The following MMP26 variants were observed in gnomAD, a reference collection of about 807,000 sequenced individuals.
MMP26 encodes the protein matrix metallopeptidase 26.
MMP26 carries 33 observed loss-of-function variants against 31.0 expected under a neutral mutation model. The ratio of observed to expected loss-of-function variants is 1.06; its 90% CI spans 0.81 to 1.42. The LOEUF (loss-of-function observed/expected upper bound fraction) is 1.42. MMP26 is among the 40% of genes most tolerant of loss of function. The pLI is 0.00. For synonymous variants in MMP26, 122 were observed against 114.9 expected, an observed-to-expected ratio of 1.06 and a Z score of -0.40; for missense variants, 347 against 316.1, an observed-to-expected ratio of 1.10 and a Z score of -0.74.
At chr11:4,980,637 T>G (rs1396057306) in intron 2 of MMP26, among the ~76,000 whole-genome samples, 3 of 152,166 alleles carry the variant, frequency 2.0e-5, no homozygotes, top group Admixed American at 6.6e-5. Flanking sequence ...AATTCTGTGC[T>G]ATTTATATTC....
At chr11:4,783,301 T>A (rs1848890581) in intron 2 of MMP26, among the ~76,000 whole-genome samples, 1 of 152,128 alleles carries the variant, frequency 6.6e-6, no homozygotes, top group Non-Finnish European at 1.5e-5. Context: ...AGACATAGAG[T>A]CAAAGGAGAT....
chr11:4,763,814 A>T (rs1158495585), intron 1 of MMP26, among the ~76,000 whole-genome samples: 4 of 152,144 alleles, frequency 2.6e-5, no homozygotes, highest in Non-Finnish European at 4.4e-5. Flanking sequence ...AATTCTCCTA[A>T]ATTGTCACAG....
chr11:4,810,679 G>T (rs1019495189), intron 2 of MMP26, among the ~76,000 whole-genome samples: 1 of 152,188 alleles, frequency 6.6e-6, no homozygotes, highest in South Asian at 2.1e-4. Flanking sequence ...CTGAGTGCGT[G>T]ATTATCCAGA....
chr11:4,855,641 A>C (rs966205763), intron 2 of MMP26, among the ~76,000 whole-genome samples: 1 of 152,208 alleles, frequency 6.6e-6, no homozygotes, highest in Non-Finnish European at 1.5e-5. Context: ...AAGTTAGAAA[A>C]CACTCTTCAG....
intron 1 of MMP26, among the ~76,000 whole-genome samples, chr11:4,759,634 C>G (rs1170938553): frequency 6.6e-6 from 1 of 152,088 alleles, no homozygotes; most frequent in African/African-American, 2.4e-5. Context: ...TAGAAACTGG[C>G]CTTATTCCTC....
intron 2 of MMP26, among the ~76,000 whole-genome samples, chr11:4,940,210 G>T (rs1028050571): frequency 6.6e-6 from 1 of 152,040 alleles, no homozygotes; most frequent in African/African-American, 2.4e-5. Flanking sequence ...GAGGTGCAGT[G>T]ACTTAAGGTA....
intron 2 of MMP26, among the ~76,000 whole-genome samples, chr11:4,939,301 T>G (rs1291550844): frequency 2.0e-5 from 3 of 152,162 alleles, no homozygotes; most frequent in Non-Finnish European, 4.4e-5. Flanking sequence ...ATGGTAATAA[T>G]TTCCCCCATT....
intron 2 of MMP26, among the ~76,000 whole-genome samples, chr11:4,929,956 A>G (rs1175187910): frequency 6.6e-6 from 1 of 152,124 alleles, no homozygotes; most frequent in Non-Finnish European, 1.5e-5. Context: ...TATGATAAAA[A>G]CAATCAATGT....
chr11:4,759,829 C>A (rs946438459), intron 1 of MMP26, among the ~76,000 whole-genome samples: 1 of 152,210 alleles, frequency 6.6e-6, no homozygotes, highest in South Asian at 2.1e-4. Context: ...CTAGAATGCA[C>A]AAAAGAGGAT....
intron 1 of MMP26, among the ~76,000 whole-genome samples, chr11:4,717,159 T>C (rs1288888214): frequency 6.6e-6 from 1 of 152,228 alleles, no homozygotes; most frequent in African/African-American, 2.4e-5. Context: ...AACTTTCTAA[T>C]ATAGATACCT....
chr11:4,922,318 G>T (rs925475200), intron 2 of MMP26, among the ~76,000 whole-genome samples: 4 of 152,134 alleles, frequency 2.6e-5, no homozygotes, highest in Non-Finnish European at 5.9e-5. Context: ...AGAAAGAGAA[G>T]AAATTGCTGT....
At chr11:4,725,553 A>G (rs188448036) in intron 1 of MMP26, among the ~76,000 whole-genome samples, 26 of 152,348 alleles carry the variant, frequency 1.7e-4, no homozygotes, top group African/African-American at 5.5e-4. Flanking sequence ...AAATTGTGAT[A>G]TAGAGGTAGT....
intron 2 of MMP26, among the ~76,000 whole-genome samples, chr11:4,910,348 G>A (rs1850972024): frequency 6.6e-6 from 1 of 151,968 alleles, no homozygotes; most frequent in African/African-American, 2.4e-5. Context: ...GATAATCTTG[G>A]ATATTCTGCC....
intron 2 of MMP26, among the ~76,000 whole-genome samples, chr11:4,930,180 C>G (rs994982222): frequency 6.6e-6 from 1 of 152,010 alleles, no homozygotes; most frequent in Non-Finnish European, 1.5e-5. Flanking sequence ...TGTTGTTGAT[C>G]ATCTTCAATC....
intron 2 of MMP26, chr11:4,882,709 C>T (rs747668230): frequency 6.2e-7 from 1 of 1,613,960 alleles, no homozygotes; most frequent in Non-Finnish European, 8.5e-7. Context: ...TCCACTCCAC[C>T]CCAAGGGTGC....
At chr11:4,754,630 T>C (rs1469382540) in intron 1 of MMP26, among the ~76,000 whole-genome samples, 2 of 152,018 alleles carry the variant, frequency 1.3e-5, no homozygotes, top group African/African-American at 2.4e-5. Context: ...GTGCCCATTT[T>C]TACACAAGTT....
At chr11:4,737,597 C>T (rs533444326) in intron 1 of MMP26, among the ~76,000 whole-genome samples, 1 of 152,292 alleles carries the variant, frequency 6.6e-6, no homozygotes, top group South Asian at 2.1e-4. Flanking sequence ...GAGCCGAGAT[C>T]ACGCCTTTGC....
chr11:4,984,479 T>G (rs1351044397), intron 2 of MMP26, among the ~76,000 whole-genome samples: 1 of 152,234 alleles, frequency 6.6e-6, no homozygotes, highest in Non-Finnish European at 1.5e-5. Context: ...AATAGTTTGT[T>G]AAGTATTCAC....
intron 2 of MMP26, among the ~76,000 whole-genome samples, chr11:4,985,867 T>C (rs1267406362): frequency 6.6e-6 from 1 of 152,230 alleles, no homozygotes; most frequent in Non-Finnish European, 1.5e-5. Flanking sequence ...TCTATTGTGC[T>C]CCTTTACCAA....
Sources: allele counts gnomAD v4.1 joint callset (sites outside exome capture counted in the v4.1 genomes callset), GRCh38; gene constraint gnomAD v4.1.1; transcripts MANE v1.5; gene names NCBI Gene and HGNC (gene_info 2026-07-23, HGNC 2026-07-21).